The following NBEAL1 variants were observed in gnomAD, a reference collection of about 807,000 sequenced individuals.
The protein encoded by NBEAL1 is neurobeachin-like protein 1.
In NBEAL1, 273 loss-of-function variants were observed where a neutral mutation model predicts 351.3. That is an observed-to-expected ratio of 0.78 (90% CI 0.70 to 0.86). NBEAL1 has a LOEUF of 0.86. Among genes scored for constraint, NBEAL1 ranks in the 40% least tolerant of loss-of-function variants. The pLI, the probability that NBEAL1 is intolerant of heterozygous loss-of-function variation, is 0.00. For synonymous variants in NBEAL1, 1,050 were observed against 1,086.4 expected (o/e 0.97, Z 0.66); for missense variants, 2,961 against 3,201.3 (o/e 0.92, Z 1.81).
In NBEAL1 at chr2:203,184,471, T is replaced by A. The variant is rs150774052; in HGVS notation, c.6705+1083T>A. Reference sequence around the variant, plus strand: ...AATAAAGTATTAGTTTTTAGTTAAATTTCCTAATTTGGAATTGAAGGACTA... The same window carrying A: ...AATAAAGTATTAGTTTTTAGTTAAAATTCCTAATTTGGAATTGAAGGACTA... On this transcript the variant is annotated intron_variant, in intron 44 of 55. Coordinates refer to ENST00000683969, the MANE Select transcript of NBEAL1 (RefSeq NM_001378026.1). Among the ~76,000 whole-genome samples the A allele has an allele frequency of 5.2e-4, 79 of 152,212 alleles. No individual in the cohort carries two copies. In the East Asian group the frequency reaches 0.013, roughly 25 times the overall value.
At chr2:203,049,011 A>G (rs535878513) in intron 3 of NBEAL1, among the ~76,000 whole-genome samples, 21 of 151,572 alleles carry the variant, frequency 1.4e-4, no homozygotes, top group African/African-American at 4.6e-4. Context: ...GCAGTTGACA[A>G]ATTTTTTTTT....
intron 2 of NBEAL1, among the ~76,000 whole-genome samples, chr2:203,036,496 A>C (rs983190027): frequency 1.3e-5 from 2 of 149,196 alleles, no homozygotes; most frequent in African/African-American, 4.9e-5. Context: ...ATCCATTACT[A>C]GCTGTGTGAC....
intron 3 of NBEAL1, among the ~76,000 whole-genome samples, chr2:203,049,542 G>T (rs1436862444): frequency 6.6e-6 from 1 of 152,106 alleles, no homozygotes; most frequent in Non-Finnish European, 1.5e-5. Flanking sequence ...CAAATAGTCT[G>T]TCTCTCTCTT....
At chr2:203,099,782 G>C in intron 12 of NBEAL1, 70 bp downstream of exon 12, 1 of 1,029,536 alleles carries the variant, frequency 9.7e-7, no homozygotes. Flanking sequence ...TACATGTGCA[G>C]GTTTGTTATA....
chr2:203,136,859 G>T, intron 29 of NBEAL1, 85 bp downstream of exon 29: 1 of 1,184,572 alleles, frequency 8.4e-7, no homozygotes, highest in Non-Finnish European at 1.2e-6. Context: ...CATTTATTCA[G>T]TATTCTGTGG....
At chr2:203,118,208 A>G (rs994249798) in intron 18 of NBEAL1, among the ~76,000 whole-genome samples, 7 of 152,208 alleles carry the variant, frequency 4.6e-5, no homozygotes, top group Non-Finnish European at 1.0e-4. Flanking sequence ...ACGAATTGAC[A>G]TAACTATCAA....
At chr2:203,192,255 C>A (rs1443447879) in intron 46 of NBEAL1, among the ~76,000 whole-genome samples, 1 of 152,170 alleles carries the variant, frequency 6.6e-6, no homozygotes, top group Non-Finnish European at 1.5e-5. Context: ...TAGATGCTAT[C>A]ATATTTTCAC....
At chr2:203,118,099 A>C (rs929934211) in intron 18 of NBEAL1, among the ~76,000 whole-genome samples, 1 of 152,246 alleles carries the variant, frequency 6.6e-6, no homozygotes, top group African/African-American at 2.4e-5. Context: ...AGGAGTCAAA[A>C]GAATGGTAAA....
At chr2:203,068,937 C>T (rs1403748347) in intron 7 of NBEAL1, among the ~76,000 whole-genome samples, 1 of 152,060 alleles carries the variant, frequency 6.6e-6, no homozygotes, top group Admixed American at 6.5e-5. Context: ...ACCATGCTGA[C>T]CAGGCTGGTC....
At chr2:203,128,262 CT>C (rs11355179) in intron 24 of NBEAL1, among the ~76,000 whole-genome samples, 38,407 of 94,694 alleles carry the variant, frequency 0.41, 7,374 homozygotes, top group East Asian at 0.56. Context: ...AATTTTTTGC[CT>C]TTTTTTTTTT....
At chr2:203,041,328 CATAA>C (rs1358831489) in intron 2 of NBEAL1, among the ~76,000 whole-genome samples, 2 of 152,068 alleles carry the variant, frequency 1.3e-5, no homozygotes, top group African/African-American at 2.4e-5. Context: ...AAGAAAGGCA[CATAA>C]ATAAATGTTC....
intron 41 of NBEAL1, among the ~76,000 whole-genome samples, chr2:203,174,752 G>A (rs370664961): frequency 4.6e-5 from 7 of 151,658 alleles, no homozygotes; most frequent in Non-Finnish European, 7.4e-5. Flanking sequence ...TTAGCTGGGC[G>A]TGGTGGCAGG....
chr2:203,063,989 T>A (rs2061540826), intron 6 of NBEAL1, among the ~76,000 whole-genome samples: 1 of 152,168 alleles, frequency 6.6e-6, no homozygotes, highest in Admixed American at 6.5e-5. Context: ...CAGGCAAGAA[T>A]CATTCATGGG....
In NBEAL1 at chr2:203,166,171, CA is replaced by C; in HGVS notation, c.5742del (p.Glu1915LysfsTer5). On this transcript the variant is annotated frameshift_variant, in exon 37 of 56. Coordinates refer to ENST00000683969, the MANE Select transcript of NBEAL1 (RefSeq NM_001378026.1). LOFTEE classifies it high-confidence loss of function. ...VNVDEKEEQD[Q>X]KEKLVLMEDC... ...CAGTGATGAGAAAGAAGAACAGGATCAAAAAGAAAAATTGGTATTGATGGAA... is the reference window on the plus strand; with the variant it reads ...CAGTGATGAGAAAGAAGAACAGGATCAAAAGAAAAATTGGTATTGATGGAA... 1.9e-6 allele frequency: 3 copies of C among 1,581,492 alleles called. No individual in the cohort carries two copies. Among genetic ancestry groups the C allele is most frequent in the Non-Finnish European group, 2.6e-6 (3 of 1,168,920 alleles).
chr2:203,107,266 A>T (rs2062458897), intron 12 of NBEAL1, among the ~76,000 whole-genome samples, 154 bp from the exon 13 acceptor site: 1 of 152,176 alleles, frequency 6.6e-6, no homozygotes. Flanking sequence ...TAAAATGAAG[A>T]CATGATTTAA....
chr2:203,066,436 TC>T (rs988419442), intron 6 of NBEAL1, among the ~76,000 whole-genome samples: 1 of 152,168 alleles, frequency 6.6e-6, no homozygotes, highest in Non-Finnish European at 1.5e-5. Flanking sequence ...CAAGAATTTT[TC>T]TTAGTACAGA....
chr2:203,089,806 G>A (rs1056885967), intron 10 of NBEAL1, among the ~76,000 whole-genome samples: 1 of 152,206 alleles, frequency 6.6e-6, no homozygotes, highest in Non-Finnish European at 1.5e-5. Flanking sequence ...CTAGGACATC[G>A]TGGATGTTGC....
rs184914321 is a variant in NBEAL1, at chr2:203,153,704, T to G, written c.5587+2115T>G. 6.6e-3 allele frequency among the ~76,000 whole-genome samples: 1,009 copies of G among 152,322 alleles called. 7 individuals carry two copies. The highest frequency in any genetic ancestry group is 9.9e-3 in the Non-Finnish European group (675 of 68,028). On this transcript the variant is annotated intron_variant, in intron 35 of 55. Coordinates refer to ENST00000683969, the MANE Select transcript of NBEAL1 (RefSeq NM_001378026.1). The stretch of plus-strand genomic sequence containing the variant: ...CTTGTATCCTCTTCTGTAAGTATCT[T>G]TCTCTACTCTTTGAAATGTAACTAT...
At position 203,132,020 on chromosome 2, in the gene NBEAL1, A is replaced by G. The variant is rs1192311451; in HGVS notation, c.3612A>G (p.Lys1204=). 1 of 1,554,344 alleles carries G rather than the reference A, an allele frequency of 6.4e-7. No individual in the cohort carries two copies. Among genetic ancestry groups the G allele is most frequent in the Admixed American group, 2.0e-5 (1 of 50,906 alleles). Residue 1204 remains lysine (K), a synonymous_variant, in exon 26 of 56, where the codon AAA becomes AAG. Transcript: ENST00000683969. ...LKCTNVYERS[K]QHIRLREVGY... Reference sequence around the variant, plus strand: ...GCACGAACGTTTATGAGCGTAGTAAACAACATATTCGACTCAGAGAAGTTG... The same window carrying G: ...GCACGAACGTTTATGAGCGTAGTAAGCAACATATTCGACTCAGAGAAGTTG...
Sources: gnomAD v4.1 joint callset for allele counts (sites outside exome capture counted in the v4.1 genomes callset) on GRCh38, gnomAD v4.1.1 for gene constraint, MANE v1.5 for transcripts, NCBI Gene and HGNC (gene_info 2026-07-23, HGNC 2026-07-21) for gene names.